RNF19A: variants seen among roughly 807,000 people sequenced by gnomAD.
The protein encoded by RNF19A is E3 ubiquitin-protein ligase RNF19A.
Under a neutral mutation model 75.7 loss-of-function variants are expected in RNF19A, and 32 were observed. That is an observed-to-expected ratio of 0.42 (90% CI 0.32 to 0.57). The LOEUF is 0.57. Ranked by LOEUF, RNF19A falls within the 20% of genes least tolerant of loss-of-function variation. RNF19A has a pLI of 0.10. For synonymous variants in RNF19A, 335 were observed against 345.2 expected, an observed-to-expected ratio of 0.97 and a Z score of 0.33; for missense variants, 782 against 1,036.3, an observed-to-expected ratio of 0.75 and a Z score of 3.37.
intron 2 of RNF19A, among the ~76,000 whole-genome samples, chr8:100,285,157 G>A (rs1427386053): frequency 6.6e-6 from 1 of 152,084 alleles, no homozygotes; most frequent in Non-Finnish European, 1.5e-5. Context: ...TACTTACCTA[G>A]GAGTTGAAAT....
At position 100,258,184 on chromosome 8, in the gene RNF19A, C is replaced by G; in HGVS notation, c.*372G>C. 2.4e-6 allele frequency: 1 copy of G among 408,848 alleles called. No individual in the cohort carries two copies. Among genetic ancestry groups the G allele is most frequent in the Non-Finnish European group, 4.3e-6 (1 of 232,842 alleles). The allele number at this position is 408,848 out of a possible 1,614,324, so 25.3% of individuals were successfully genotyped here. On this transcript the variant is annotated 3_prime_UTR_variant, in exon 10 of 10. Transcript: ENST00000341084. This position sits in a 1 kb window ranked among gnomAD's most constrained non-coding sequence, Gnocchi z 4.3. The stretch of plus-strand genomic sequence containing the variant: ...CAATAAAATATCACTAACCACTTAT[C>G]CCTAAAGCCTCAAGTTTTCTTCATT...
intron 1 of RNF19A, among the ~76,000 whole-genome samples, chr8:100,306,611 A>G (rs1822072558): frequency 1.3e-5 from 2 of 152,240 alleles, no homozygotes; most frequent in African/African-American, 4.8e-5. Context: ...AGTATCACTG[A>G]CATATGATAA....
At chr8:100,305,043 C>A (rs960089045) in intron 1 of RNF19A, among the ~76,000 whole-genome samples, 2 of 152,196 alleles carry the variant, frequency 1.3e-5, no homozygotes, top group Non-Finnish European at 2.9e-5. Flanking sequence ...TCAAGCAATT[C>A]TCCTGCCTCA....
In RNF19A at chr8:100,322,207, T is replaced by C. The variant is rs1822474253; in HGVS notation, c.-242-8835A>G. 6.6e-6 allele frequency among the ~76,000 whole-genome samples: 1 copy of C among 152,232 alleles called. No individual in the cohort carries two copies. Among genetic ancestry groups the C allele is most frequent in the Admixed American group, 6.5e-5 (1 of 15,282 alleles). On this transcript the variant is annotated intron_variant, in intron 1 of 3. Coordinates refer to the RNF19A transcript ENST00000519527. The surrounding 1 kb of genome is among the most constrained non-coding windows in gnomAD (Gnocchi z 5.1). ...GGCATCTTCTTCCTATATGAGTCTG[T>C]TTAGTCTATATTGAAAATCTGTTGT...
chr8:100,320,286 TAAA>T (rs917351476), intron 1 of RNF19A, among the ~76,000 whole-genome samples: 49 of 152,268 alleles, frequency 3.2e-4, no homozygotes, highest in African/African-American at 8.7e-4. Context: ...CTTTATTTTT[TAAA>T]AAACAACAAC....
At chr8:100,326,882 G>C (rs143689117) in intron 1 of RNF19A, among the ~76,000 whole-genome samples, 1 of 152,340 alleles carries the variant, frequency 6.6e-6, no homozygotes, top group East Asian at 1.9e-4. Flanking sequence ...AATTGGCAAG[G>C]TTTATTTAAG....
chr8:100,313,810 A>ATGGTTT (rs879685737), upstream of RNF19A, among the ~76,000 whole-genome samples: 3 of 151,644 alleles, frequency 2.0e-5, no homozygotes, highest in East Asian at 1.9e-4. Context: ...ACAGAAGTGG[A>ATGGTTT]TGGTTTTGGT....
chr8:100,285,095 G>T (rs1820954227), intron 2 of RNF19A, among the ~76,000 whole-genome samples: 2 of 151,870 alleles, frequency 1.3e-5, no homozygotes, highest in African/African-American at 4.8e-5. Flanking sequence ...TTGTTATTGT[G>T]GAACATCCCT....
In RNF19A at chr8:100,325,895, A is replaced by G. The variant is rs184956531; in HGVS notation, c.-243+10213T>C. ...TTTTTAAAATTTATTTAATTAACAA[A>G]CTGAGCTACTAGAGAAAACATATCA... On this transcript the variant is annotated intron_variant, in intron 1 of 3. Transcript: ENST00000519527. This position sits in a 1 kb window ranked among gnomAD's most constrained non-coding sequence, Gnocchi z 4.3. Among the ~76,000 whole-genome samples the G allele has an allele frequency of 7.6e-4, 115 of 152,282 alleles. 1 individual carries two copies. The highest frequency in any genetic ancestry group is 2.9e-4 in the Non-Finnish European group (20 of 68,014).
chr8:100,263,649 ACT>A (rs1819830959), intron 7 of RNF19A, among the ~76,000 whole-genome samples: 1 of 152,184 alleles, frequency 6.6e-6, no homozygotes, highest in Admixed American at 6.5e-5. Context: ...TTTGCTCGTT[ACT>A]GTTCTAATTC....
chr8:100,258,613 A>G lies in RNF19A; in HGVS notation c.2460T>C (p.Asn820=). ...LYFGDALKET[N]NNHSHQTMEL... is the part of the protein sequence containing the mutation. ...CCATTGTCTGATGTGAGTGGTTGTT[A>G]TTTGTTTCTTTTAGTGCATCGCCAA... is the stretch of plus-strand genomic sequence containing the variant. Residue 820 remains asparagine (N), a synonymous_variant, in exon 10 of 10, where the codon AAT becomes AAC. Coordinates refer to ENST00000341084, the MANE Select transcript of RNF19A (RefSeq NM_183419.4). The surrounding 1 kb of genome is among the most constrained non-coding windows in gnomAD (Gnocchi z 4.3). 6.2e-7 allele frequency: 1 copy of G among 1,613,916 alleles called. No individual in the cohort carries two copies. Among genetic ancestry groups the G allele is most frequent in the East Asian group, 2.2e-5 (1 of 44,882 alleles).
chr8:100,326,166 G>A (rs954956033), intron 1 of RNF19A, among the ~76,000 whole-genome samples: 16 of 151,960 alleles, frequency 1.1e-4, no homozygotes, highest in Admixed American at 7.2e-4. Flanking sequence ...ACATGCATAC[G>A]AAACTCTCTT....
At chr8:100,266,347 A>C (rs1819975948) in intron 5 of RNF19A, among the ~76,000 whole-genome samples, 1 of 152,222 alleles carries the variant, frequency 6.6e-6, no homozygotes, top group African/African-American at 2.4e-5. Flanking sequence ...TGACCTGAAC[A>C]ATGAGGTAAA....
At chr8:100,312,561 C>T (rs953598309), upstream of RNF19A, among the ~76,000 whole-genome samples, 2 of 152,164 alleles carry the variant, frequency 1.3e-5, no homozygotes, top group African/African-American at 4.8e-5. Context: ...CACTGGCCTC[C>T]AGCCTGGGCG....
chr8:100,279,699 G>C (rs557430884), intron 2 of RNF19A, among the ~76,000 whole-genome samples: 1 of 152,114 alleles, frequency 6.6e-6, no homozygotes, highest in Admixed American at 6.5e-5. Context: ...AATTTTTTTT[G>C]TATCTTTAGT....
At chr8:100,281,993 C>A (rs1820800728) in intron 2 of RNF19A, among the ~76,000 whole-genome samples, 1 of 152,152 alleles carries the variant, frequency 6.6e-6, no homozygotes, top group South Asian at 2.1e-4. Context: ...AGACAGGATG[C>A]ATTCTGGTTC....
At chr8:100,282,341 T>C (rs1427438501) in intron 2 of RNF19A, among the ~76,000 whole-genome samples, 6 of 152,188 alleles carry the variant, frequency 3.9e-5, no homozygotes, top group Non-Finnish European at 5.9e-5. Flanking sequence ...AAATCTGAAA[T>C]GCTTAAAGTT....
upstream of RNF19A, chr8:100,310,420 T>A (rs550329827): frequency 1.2e-3 from 247 of 213,116 alleles, no homozygotes; most frequent in African/African-American, 5.6e-3. Context: ...CCAGAGAGCG[T>A]CTCCTCCAAG....
intron 1 of RNF19A, among the ~76,000 whole-genome samples, chr8:100,318,324 G>A (rs187005478): frequency 6.6e-6 from 1 of 152,112 alleles, no homozygotes; most frequent in African/African-American, 2.4e-5. Flanking sequence ...AGATTTAAAA[G>A]GATGTATTTT....
Sources: allele counts gnomAD v4.1 joint callset (sites outside exome capture counted in the v4.1 genomes callset), GRCh38; gene constraint gnomAD v4.1.1; non-coding constraint Gnocchi (gnomAD v3.1); transcripts MANE v1.5; gene names NCBI Gene and HGNC (gene_info 2026-07-23, HGNC 2026-07-21).